Variants in TMEM156 observed in about 807,000 individuals in gnomAD.
TMEM156 encodes transmembrane protein 156.
In TMEM156, 28 loss-of-function variants were observed where a neutral mutation model predicts 30.5. The ratio of observed to expected loss-of-function variants is 0.92; its 90% CI spans 0.68 to 1.26. TMEM156 has a LOEUF of 1.26. Ranked by LOEUF, TMEM156 falls within the 50% of genes most tolerant of loss-of-function variation. The probability of loss-of-function intolerance (pLI) is 0.00; values close to 1 mark genes in which losing one functional copy is unlikely to be tolerated. For missense variants in TMEM156, 351 were observed against 340.6 expected, an observed-to-expected ratio of 1.03 and a Z score of -0.24; for synonymous variants, 137 against 119.9, an observed-to-expected ratio of 1.14 and a Z score of -0.93.
At chr4:39,000,102 A>G (rs1713230476) in intron 1 of TMEM156, among the ~76,000 whole-genome samples, 1 of 152,234 alleles carries the variant, frequency 6.6e-6, no homozygotes, top group Admixed American at 6.6e-5. Context: ...AACAAAAGAC[A>G]AACACTCTAG....
Position 39,009,046 on chromosome 4 carries a change from C to A in TMEM156, c.89-10137G>T, listed in dbSNP as rs561624634. Among the ~76,000 whole-genome samples the A allele has an allele frequency of 1.0e-3, 157 of 152,028 alleles. 1 individual carries two copies. Among genetic ancestry groups the A allele is most frequent in the South Asian group, 4.3e-3 (21 of 4,828 alleles). ...AAAGAAAAAGAGAAGAGCTAAATAA[C>A]CATGATCAGAAATGACAAAGGTAAC... is the stretch of plus-strand genomic sequence containing the variant. On this transcript the variant is annotated intron_variant, in intron 1 of 6. Transcript: ENST00000381938.
chr4:39,010,063 G>A (rs1236241971), intron 1 of TMEM156, among the ~76,000 whole-genome samples: 2 of 152,090 alleles, frequency 1.3e-5, no homozygotes, highest in Non-Finnish European at 2.9e-5. Flanking sequence ...CAAAATCAAT[G>A]TACAAAAATC....
intron 2 of TMEM156, 190 bp downstream of exon 2, chr4:38,998,450 A>G: frequency 3.1e-6 from 1 of 326,422 alleles, no homozygotes; most frequent in Non-Finnish European, 4.9e-6. Context: ...AGGCTGAGGC[A>G]GGAGAATTCC....
chr4:39,001,541 C>CTTT (rs201858136), intron 1 of TMEM156, among the ~76,000 whole-genome samples: 1 of 144,516 alleles, frequency 6.9e-6, no homozygotes, highest in Non-Finnish European at 1.5e-5. Context: ...ATTACTTCTT[C>CTTT]TTTTTTTTTT....
At chr4:39,020,551 G>C (rs1435808093) in intron 1 of TMEM156, among the ~76,000 whole-genome samples, 1 of 151,526 alleles carries the variant, frequency 6.6e-6, no homozygotes, top group Non-Finnish European at 1.5e-5. Context: ...TTCTTATTTT[G>C]AATTTTTTTT....
At chr4:39,015,394 A>G (rs973527313) in intron 1 of TMEM156, among the ~76,000 whole-genome samples, 1 of 152,198 alleles carries the variant, frequency 6.6e-6, no homozygotes. Context: ...GTAGCAGAAG[A>G]GTCAATGTCA....
chr4:38,984,756 G>A (rs1376011984), intron 5 of TMEM156, among the ~76,000 whole-genome samples: 27 of 152,104 alleles, frequency 1.8e-4, no homozygotes, highest in Non-Finnish European at 1.5e-5. Context: ...AAGACGCTAA[G>A]CCTCAAAAGG....
intron 6 of TMEM156, 91 bp downstream of exon 6, chr4:38,970,941 C>T: frequency 1.3e-6 from 1 of 763,802 alleles, no homozygotes; most frequent in Non-Finnish European, 2.1e-6. Flanking sequence ...TACCTCCTAC[C>T]AGATAGAAAT....
At position 39,032,325 on chromosome 4, in the gene TMEM156, T is replaced by A; in HGVS notation, c.-12A>T. ...GCTGTTTTTGTCATGTCTCTTCACA[T>A]GACACAAATGTGTTCCCTTGCAGTA... On this transcript the variant is annotated 5_prime_UTR_variant, in exon 1 of 7. An upstream start codon of the reference 5' UTR is lost. Transcript: ENST00000381938. 1 of 1,541,368 alleles carries A rather than the reference T, an allele frequency of 6.5e-7. No homozygotes were observed. Among genetic ancestry groups the A allele is most frequent in the Non-Finnish European group, 8.9e-7 (1 of 1,117,890 alleles).
At chr4:38,974,566 A>G (rs1722759343) in intron 5 of TMEM156, among the ~76,000 whole-genome samples, 1 of 151,550 alleles carries the variant, frequency 6.6e-6, no homozygotes, top group Non-Finnish European at 1.5e-5. Flanking sequence ...CACATTTTCT[A>G]TTTCTTCCAT....
At chr4:39,027,758 C>CTTTTTTTTTTTTTTTTTTTTTTT (rs112766367) in intron 1 of TMEM156, among the ~76,000 whole-genome samples, 1 of 120,796 alleles carries the variant, frequency 8.3e-6, no homozygotes, top group Non-Finnish European at 1.7e-5. Flanking sequence ...TTTTCTTTTT[C>CTTTTTTTTTTTTTTTTTTTTTTT]TTTTTTTTTT....
chr4:38,998,826 C>A lies in TMEM156; in HGVS notation c.172G>T (p.Val58Leu). Residue 58 changes from valine (V) to leucine (L), a missense_variant, in exon 2 of 7, where the codon GTG (valine) becomes TTG (leucine). Physicochemically the swap from Val to Leu is conservative, Grantham distance 32. Coordinates refer to ENST00000381938, the MANE Select transcript of TMEM156 (RefSeq NM_024943.3). ...YSLSSLNFSFVTFLQPVRETQ... is the reference protein window; with the variant it reads ...YSLSSLNFSFLTFLQPVRETQ... ...TCCCTTACTGGTTGCAGAAAAGTCA[C>A]AAAAGAAAAATTTAAGGAGGAGAGT... 1 of 1,613,592 alleles carries A rather than the reference C, an allele frequency of 6.2e-7. No individual in the cohort carries two copies. Among genetic ancestry groups the A allele is most frequent in the Non-Finnish European group, 8.5e-7 (1 of 1,179,850 alleles).
intron 5 of TMEM156, among the ~76,000 whole-genome samples, chr4:38,975,131 A>G: frequency 6.6e-6 from 1 of 152,150 alleles, no homozygotes; most frequent in East Asian, 1.9e-4. Context: ...TAAAGGGTAA[A>G]TGACAAAACT....
intron 6 of TMEM156, among the ~76,000 whole-genome samples, chr4:38,970,240 C>T (rs1207424503): frequency 1.3e-5 from 2 of 151,982 alleles, no homozygotes; most frequent in Non-Finnish European, 1.5e-5. Flanking sequence ...AAGACAGTAG[C>T]AGGGCCCCAC....
chr4:38,999,114 T>TA (rs376118659), intron 1 of TMEM156, among the ~76,000 whole-genome samples: 1,483 of 17,656 alleles, frequency 0.084, 32 homozygotes, highest in African/African-American at 0.19. Context: ...TTATTTATTT[T>TA]TTTTTTTTTT....
chr4:39,026,026 C>A (rs551499978), intron 1 of TMEM156, among the ~76,000 whole-genome samples: 1 of 152,308 alleles, frequency 6.6e-6, no homozygotes, highest in African/African-American at 2.4e-5. Flanking sequence ...ATATGACAGA[C>A]ACTCTCTTAA....
chr4:38,975,523 C>G (rs546754112), intron 5 of TMEM156, among the ~76,000 whole-genome samples: 3 of 152,088 alleles, frequency 2.0e-5, no homozygotes, highest in Non-Finnish European at 4.4e-5. Flanking sequence ...GCTGGAATCA[C>G]AGGCATGTGC....
At chr4:38,973,264 C>T (rs1332310655) in intron 5 of TMEM156, among the ~76,000 whole-genome samples, 1 of 152,074 alleles carries the variant, frequency 6.6e-6, no homozygotes, top group East Asian at 1.9e-4. Context: ...TTGAAATGAA[C>T]TTGTTTATTT....
chr4:39,009,882 T>C (rs967086324), intron 1 of TMEM156, among the ~76,000 whole-genome samples: 1 of 152,112 alleles, frequency 6.6e-6, no homozygotes, highest in African/African-American at 2.4e-5. Context: ...AACAAAGTAC[T>C]GGAAGTCCTA....
Sources: gnomAD v4.1 joint callset for allele counts (sites outside exome capture counted in the v4.1 genomes callset) on GRCh38, gnomAD v4.1.1 for gene constraint, MANE v1.5 for transcripts, NCBI Gene and HGNC (gene_info 2026-07-23, HGNC 2026-07-21) for gene names.